MRTFA: variants seen among roughly 807,000 people sequenced by gnomAD.
The protein encoded by MRTFA is myocardin related transcription factor A, also known as myocardin-related transcription factor A.
Under a neutral mutation model 83.5 loss-of-function variants are expected in MRTFA, and 20 were observed. The observed-to-expected ratio is 0.24, with a 90% CI of 0.17 to 0.35. The LOEUF is 0.35. Ranked by LOEUF, MRTFA falls within the 10% of genes least tolerant of loss-of-function variation. MRTFA has a pLI of 1.00. For synonymous variants in MRTFA, 659 were observed against 541.2 expected (o/e 1.22, Z -3.02); for missense variants, 1,200 against 1,224.7 (o/e 0.98, Z 0.30).
intron 4 of MRTFA, among the ~76,000 whole-genome samples, chr22:40,439,257 C>G (rs1254316122): frequency 6.6e-6 from 1 of 152,108 alleles, no homozygotes; most frequent in Non-Finnish European, 1.5e-5. Flanking sequence ...AATCCTAGCA[C>G]TTTGGGAGGC....
At chr22:40,518,936 C>G (rs553222596) in intron 3 of MRTFA, among the ~76,000 whole-genome samples, 38 of 150,058 alleles carry the variant, frequency 2.5e-4, no homozygotes, top group African/African-American at 8.8e-4. Flanking sequence ...ATTCGATATT[C>G]TAGACATATG....
At chr22:40,465,169 G>A (rs2053792572) in intron 3 of MRTFA, among the ~76,000 whole-genome samples, 1 of 152,092 alleles carries the variant, frequency 6.6e-6, no homozygotes, top group Non-Finnish European at 1.5e-5. Flanking sequence ...TATATGTTAG[G>A]GAAAAGTATA....
chr22:40,445,886 T>C (rs1246627630), intron 4 of MRTFA, among the ~76,000 whole-genome samples: 1 of 152,226 alleles, frequency 6.6e-6, no homozygotes, highest in East Asian at 1.9e-4. Flanking sequence ...CATTTGGTTG[T>C]TGTCAATTTG....
At chr22:40,625,170 A>C (rs1471952858) in intron 1 of MRTFA, among the ~76,000 whole-genome samples, 2 of 152,160 alleles carry the variant, frequency 1.3e-5, no homozygotes, top group African/African-American at 4.8e-5. Flanking sequence ...GATAATGTTA[A>C]ATAGTTCAAT....
intron 1 of MRTFA, among the ~76,000 whole-genome samples, 153 bp downstream of exon 1, chr22:40,636,325 G>A (rs1398375295): frequency 6.6e-6 from 1 of 152,164 alleles, no homozygotes; most frequent in African/African-American, 2.4e-5. Flanking sequence ...GAGGGCAGGG[G>A]CAGAAGGCCG....
chr22:40,622,006 T>C (rs531088233), intron 1 of MRTFA, among the ~76,000 whole-genome samples: 1 of 152,246 alleles, frequency 6.6e-6, no homozygotes, highest in South Asian at 2.1e-4. Flanking sequence ...TGCAATGGGT[T>C]GAGACTTTTG....
chr22:40,486,113 C>T (rs747863123), intron 3 of MRTFA, among the ~76,000 whole-genome samples: 10 of 152,172 alleles, frequency 6.6e-5, no homozygotes, highest in South Asian at 2.1e-4. Flanking sequence ...TTGCAGATCC[C>T]GACTTACGCC....
intron 3 of MRTFA, chr22:40,523,497 G>A (rs957593369): frequency 5.9e-5 from 9 of 152,160 alleles, no homozygotes; most frequent in African/African-American, 2.2e-4. Flanking sequence ...GTATCACCAT[G>A]CCTGCCTAAT....
intron 2 of MRTFA, among the ~76,000 whole-genome samples, chr22:40,556,522 A>G (rs1204285182): frequency 2.0e-5 from 3 of 152,194 alleles, no homozygotes; most frequent in Non-Finnish European, 4.4e-5. Flanking sequence ...AAGGGAGACA[A>G]GTTCAAAAAA....
At chr22:40,559,725 T>C (rs1031745515) in intron 2 of MRTFA, among the ~76,000 whole-genome samples, 2 of 152,134 alleles carry the variant, frequency 1.3e-5, no homozygotes, top group Non-Finnish European at 2.9e-5. Context: ...ACATTTTTAA[T>C]AGTTTAAAGA....
chr22:40,615,607 T>C (rs986238346), intron 1 of MRTFA, among the ~76,000 whole-genome samples: 5 of 152,156 alleles, frequency 3.3e-5, no homozygotes, highest in African/African-American at 1.2e-4. Flanking sequence ...ATGGTATATC[T>C]CCACTTATTT....
intron 3 of MRTFA, among the ~76,000 whole-genome samples, chr22:40,551,071 G>A (rs907357690): frequency 4.2e-5 from 3 of 71,620 alleles, no homozygotes; most frequent in Admixed American, 1.8e-4. Context: ...GGCTGGTCTC[G>A]AACTCCCGAC....
intron 3 of MRTFA, among the ~76,000 whole-genome samples, chr22:40,497,264 C>G (rs2054371504): frequency 6.6e-6 from 1 of 151,992 alleles, no homozygotes; most frequent in South Asian, 2.1e-4. Context: ...TTGTTTAAGT[C>G]AAACCAAAAA....
intron 4 of MRTFA, among the ~76,000 whole-genome samples, chr22:40,443,271 C>CAA (rs2053313849): frequency 1.3e-5 from 2 of 151,642 alleles, no homozygotes; most frequent in Non-Finnish European, 2.9e-5. Flanking sequence ...AAAACAAAAA[C>CAA]AAACAAAAAA....
At chr22:40,463,321 G>C in intron 3 of MRTFA, 35 bp from the exon 4 acceptor site, 5 of 1,562,800 alleles carry the variant, frequency 3.2e-6, no homozygotes, top group Non-Finnish European at 4.4e-6. Flanking sequence ...GAGATGAGGG[G>C]TCAGTTGGGT....
intron 1 of MRTFA, among the ~76,000 whole-genome samples, chr22:40,599,893 G>A (rs1240784750): frequency 2.0e-5 from 3 of 146,546 alleles, no homozygotes; most frequent in East Asian, 2.0e-4. Context: ...AGTGAGACAC[G>A]CTGTGTCTTT....
Position 40,435,566 on chromosome 22 carries a change from A to G in MRTFA, c.308-12T>C, listed in dbSNP as rs1257296115. 1 of 1,614,026 alleles carries G rather than the reference A, an allele frequency of 6.2e-7. No individual in the cohort carries two copies. Among genetic ancestry groups the G allele is most frequent in the Non-Finnish European group, 8.5e-7 (1 of 1,179,874 alleles). ...TGGACTTTTCAAAGCTGTTGAGAGA[A>G]GAACCGTAAAGATTACCTTCAAGCG... On this transcript the variant is annotated splice_polypyrimidine_tract_variant and intron_variant, in intron 4 of 14. Coordinates refer to ENST00000355630, the MANE Select transcript of MRTFA (RefSeq NM_020831.6).
At chr22:40,510,691 T>C (rs894148312) in intron 3 of MRTFA, among the ~76,000 whole-genome samples, 4 of 152,052 alleles carry the variant, frequency 2.6e-5, no homozygotes, top group African/African-American at 9.7e-5. Context: ...CAATGAGACC[T>C]GCTAGGAATG....
chr22:40,480,274 A>G (rs1032975046), intron 3 of MRTFA, among the ~76,000 whole-genome samples: 1 of 145,056 alleles, frequency 6.9e-6, no homozygotes, highest in Non-Finnish European at 1.5e-5. Context: ...CTGTATGTTT[A>G]TTTTTTTTTT....
Sources: gnomAD v4.1 joint callset for allele counts (sites outside exome capture counted in the v4.1 genomes callset) on GRCh38, gnomAD v4.1.1 for gene constraint, MANE v1.5 for transcripts, NCBI Gene and HGNC (gene_info 2026-07-23, HGNC 2026-07-21) for gene names.